Variants in TSEN15 observed in about 807,000 individuals in gnomAD.
TSEN15 encodes the protein tRNA-splicing endonuclease subunit Sen15.
Under a neutral mutation model 20.5 loss-of-function variants are expected in TSEN15, and 10 were observed. That is an observed-to-expected ratio of 0.49 (90% CI 0.30 to 0.83). TSEN15 has a LOEUF of 0.83. Among genes scored for constraint, TSEN15 ranks in the 40% least tolerant of loss-of-function variants. The probability of loss-of-function intolerance (pLI) is 0.06; values close to 1 mark genes in which losing one functional copy is unlikely to be tolerated. For synonymous variants in TSEN15, 72 were observed against 80.1 expected (o/e 0.90, Z 0.54); for missense variants, 180 against 218.6 (o/e 0.82, Z 1.11).
At chr1:184,090,683 A>G (rs888108064) in intron 3 of TSEN15, among the ~76,000 whole-genome samples, 18 of 152,120 alleles carry the variant, frequency 1.2e-4, no homozygotes, top group African/African-American at 4.1e-4. Context: ...TTGTCTGATC[A>G]AGCATTTTCA....
chr1:184,078,556 T>C (rs1651105983), downstream of TSEN15, among the ~76,000 whole-genome samples: 1 of 152,066 alleles, frequency 6.6e-6, no homozygotes, highest in Non-Finnish European at 1.5e-5. Flanking sequence ...GAGTCTCTAA[T>C]CAGTGTGCCC....
chr1:184,069,961 G>C (rs1337744628), intron 3 of TSEN15, among the ~76,000 whole-genome samples: 1 of 151,824 alleles, frequency 6.6e-6, no homozygotes, highest in African/African-American at 2.4e-5. Context: ...CATAAACAAG[G>C]CCTCAGAAAT....
chr1:184,060,584 A>G (rs12751711), intron 3 of TSEN15, among the ~76,000 whole-genome samples: 27,445 of 152,294 alleles, frequency 0.18, 3,191 homozygotes, highest in African/African-American at 0.31. Flanking sequence ...AGAGAATGTT[A>G]CAGAATTTCA....
chr1:184,051,812 C>A lies in TSEN15; in HGVS notation c.57C>A (p.Gly19=). 6.5e-7 allele frequency: 1 copy of A among 1,541,712 alleles called. No individual in the cohort carries two copies. The highest frequency in any genetic ancestry group is 8.7e-7 in the Non-Finnish European group (1 of 1,144,142). Residue 19 remains glycine (G), a synonymous_variant, in exon 1 of 5, where the codon GGC becomes GGA. Transcript: ENST00000645668. ...PTPGCSGLGP[G]GVRGFGDGGG... is the part of the protein sequence containing the mutation. ...CCGGCTGCAGCGGCCTGGGTCCGGG[C>A]GGTGTTCGCGGCTTTGGCGACGGCG... is the stretch of plus-strand genomic sequence containing the variant.
chr1:184,069,965 C>T (rs1310287392), intron 3 of TSEN15, among the ~76,000 whole-genome samples: 1 of 151,952 alleles, frequency 6.6e-6, no homozygotes, highest in Non-Finnish European at 1.5e-5. Context: ...AACAAGGCCT[C>T]AGAAATGGGA....
Position 184,085,392 on chromosome 1 carries a change from T to A in TSEN15, c.354-10298T>A, listed in dbSNP as rs1178149589. On this transcript the variant is annotated intron_variant, in intron 3 of 3. Transcript: ENST00000643231. Reference sequence around the variant, plus strand: ...GGACCTTATTTTGTTCCCTTCTATATTCCCAGAAGTTAGAACAGTGTCTGA... The same window carrying A: ...GGACCTTATTTTGTTCCCTTCTATAATCCCAGAAGTTAGAACAGTGTCTGA... Among the ~76,000 whole-genome samples the A allele has an allele frequency of 2.0e-5, 3 of 152,228 alleles. No individual in the cohort carries two copies. In the East Asian group the frequency reaches 5.8e-4, roughly 29 times the overall value.
chr1:184,054,491 G>A (rs1479584218), intron 2 of TSEN15, 56 bp downstream of exon 2: 3 of 1,379,280 alleles, frequency 2.2e-6, no homozygotes, highest in African/African-American at 1.4e-5. Flanking sequence ...GATTTGGGGG[G>A]TTGGATTGGG....
chr1:184,085,923 A>G lies in TSEN15; in HGVS notation c.354-9767A>G, dbSNP rs796114814. 3.3e-5 allele frequency among the ~76,000 whole-genome samples: 5 copies of G among 152,320 alleles called. 1 individual carries two copies. The highest frequency in any genetic ancestry group is 1.2e-4 in the African/African-American group (5 of 41,578). ...TGACTAGTCAAGTCAGGACTAGTCA[A>G]GGAACTGAGAGGTGAGGTCATTGCA... On this transcript the variant is annotated intron_variant, in intron 3 of 3. Coordinates refer to the TSEN15 transcript ENST00000643231.
intron 3 of TSEN15, among the ~76,000 whole-genome samples, chr1:184,085,245 G>C (rs1225963610): frequency 6.6e-6 from 1 of 152,188 alleles, no homozygotes; most frequent in Non-Finnish European, 1.5e-5. Flanking sequence ...GATATGGCAA[G>C]GAGCCTTCTG....
downstream of TSEN15, among the ~76,000 whole-genome samples, chr1:184,078,384 T>A (rs1290262493): frequency 6.6e-6 from 1 of 152,168 alleles, no homozygotes; most frequent in East Asian, 1.9e-4. Context: ...TTTATTGCAA[T>A]ATTTACTTTA....
chr1:184,054,374 A>T lies in TSEN15; in HGVS notation c.156A>T (p.Leu52Phe). 6.3e-7 allele frequency: 1 copy of T among 1,598,870 alleles called. No individual in the cohort carries two copies. Among genetic ancestry groups the T allele is most frequent in the Non-Finnish European group, 8.6e-7 (1 of 1,167,576 alleles). Reference protein sequence around the residue: ...THPKYLEMMELDIGDATQVYV... With the variant: ...THPKYLEMMEFDIGDATQVYV... The stretch of plus-strand genomic sequence containing the variant: ...TTCAGTATCTAGAAATGATGGAATT[A>T]GATATAGGAGATGCCACCCAAGTTT... The change falls in exon 2 of 5, where the codon TTA becomes TTT. Residue 52 changes from leucine (L) to phenylalanine (F), a missense_variant. By Grantham distance (22) the Leu-to-Phe change is conservative. This residue lies in a region of TSEN15 where 76 missense variants were observed against 123.4 expected (regional missense o/e 0.62). Transcript: ENST00000645668.
chr1:184,094,899 G>T (rs914387894), intron 3 of TSEN15: 2 of 396,696 alleles, frequency 5.0e-6, no homozygotes, highest in Non-Finnish European at 8.9e-6. Context: ...TGGGGTACTA[G>T]CTCCCAGGCT....
chr1:184,060,409 T>G (rs991980857), intron 3 of TSEN15, among the ~76,000 whole-genome samples: 1 of 152,248 alleles, frequency 6.6e-6, no homozygotes, highest in African/African-American at 2.4e-5. Context: ...AATCTGCATA[T>G]CTGTACATGA....
intron 3 of TSEN15, chr1:184,058,120 G>A (rs1428807579): frequency 4.7e-6 from 2 of 425,154 alleles, no homozygotes; most frequent in Admixed American, 2.6e-5. Flanking sequence ...AAGTCTAGAA[G>A]TACAAATTTG....
intron 3 of TSEN15, among the ~76,000 whole-genome samples, chr1:184,057,317 G>C (rs1650284466): frequency 6.6e-6 from 1 of 152,112 alleles, no homozygotes; most frequent in Non-Finnish European, 1.5e-5. Context: ...TCTGAGAGTG[G>C]GGTATGGGAA....
chr1:184,070,605 TATTA>T, intron 3 of TSEN15: 1 of 1,180,432 alleles, frequency 8.5e-7, no homozygotes, highest in Non-Finnish European at 1.1e-6. Context: ...TTTCTATTAT[TATTA>T]ATTTAGATAT....
chr1:184,081,010 T>A (rs1159983102), intron 3 of TSEN15, among the ~76,000 whole-genome samples: 1 of 152,192 alleles, frequency 6.6e-6, no homozygotes, highest in South Asian at 2.1e-4. Context: ...ATTCCAAATA[T>A]GTTATTATTA....
At chr1:184,058,218 G>T (rs1188436460) in intron 3 of TSEN15, 15 of 424,468 alleles carry the variant, frequency 3.5e-5, no homozygotes, top group African/African-American at 6.2e-5. Context: ...TCTTCAAGTA[G>T]AATTAGTTGG....
At chr1:184,077,268 C>T (rs1213145294), downstream of TSEN15, among the ~76,000 whole-genome samples, 1 of 152,116 alleles carries the variant, frequency 6.6e-6, no homozygotes. Flanking sequence ...TACTTATACT[C>T]TATAAGTGGA....
Sources: gnomAD v4.1 joint callset for allele counts (sites outside exome capture counted in the v4.1 genomes callset) on GRCh38, gnomAD v4.1.1 for gene constraint, gnomAD v4.1.1 regional missense constraint, MANE v1.5 for transcripts, NCBI Gene and HGNC (gene_info 2026-07-23, HGNC 2026-07-21) for gene names.